Variants in XRN2 observed in about 807,000 individuals in gnomAD.
XRN2 encodes the protein 5'-3' exoribonuclease 2, also known as DHM1-like protein.
XRN2 carries 44 observed loss-of-function variants against 138.5 expected under a neutral mutation model. The observed-to-expected ratio is 0.32, with a 90% CI of 0.25 to 0.41. The LOEUF is 0.41. XRN2 is among the 10% of genes least tolerant of loss of function. The pLI, the probability that XRN2 is intolerant of heterozygous loss-of-function variation, is 1.00. For synonymous variants in XRN2, 354 were observed against 369.4 expected (o/e 0.96, Z 0.48); for missense variants, 937 against 1,169.3 (o/e 0.80, Z 2.90).
At chr20:21,314,024 T>C (rs2122169672) in intron 1 of XRN2, among the ~76,000 whole-genome samples, 1 of 152,320 alleles carries the variant, frequency 6.6e-6, no homozygotes. Flanking sequence ...CCACAGTCAA[T>C]TTTAGAACAT....
At chr20:21,345,299 C>A (rs1411836406) in intron 16 of XRN2, among the ~76,000 whole-genome samples, 4 of 152,126 alleles carry the variant, frequency 2.6e-5, no homozygotes, top group African/African-American at 9.7e-5. Context: ...ATTGTTTAAT[C>A]CTAGAGGAAA....
At chr20:21,309,929 A>G (rs941531556) in intron 1 of XRN2, among the ~76,000 whole-genome samples, 3 of 151,368 alleles carry the variant, frequency 2.0e-5, no homozygotes, top group African/African-American at 7.3e-5. Context: ...GATTTTCTTT[A>G]TTGTTTTTCT....
In XRN2 at chr20:21,335,160, G is replaced by A. The variant is rs1052348675; in HGVS notation, c.1233+975G>A. On this transcript the variant is annotated intron_variant, in intron 13 of 29. Transcript: ENST00000377191. ...AGTGAGATGGACAGGCACTTCGTCC[G>A]TGGACAGGGTTTGGGATCCACTGGT... 1.1e-4 allele frequency among the ~76,000 whole-genome samples: 16 copies of A among 152,176 alleles called. 1 individual carries two copies. Among genetic ancestry groups the A allele is most frequent in the Non-Finnish European group, 8.8e-5 (6 of 68,030 alleles).
At chr20:21,379,355 T>A (rs2038858606) in intron 27 of XRN2, among the ~76,000 whole-genome samples, 1 of 152,244 alleles carries the variant, frequency 6.6e-6, no homozygotes, top group African/African-American at 2.4e-5. Flanking sequence ...AGGAAATACT[T>A]CTGCTTTATG....
Position 21,386,959 on chromosome 20 carries a change from G to C in XRN2, c.2740G>C (p.Gly914Arg). ...GCCAAACCAGTACCAGATGCTAGCT[G>C]GGCCTGGTGGGTATCCACCCAGACG... ...FQPNQYQMLA[G>R]PGGYPPRRDD... Residue 914 changes from glycine (G) to arginine (R), a missense_variant, in exon 29 of 30, where the codon GGG becomes CGG. By Grantham distance (125) the Gly-to-Arg change is moderately radical. Around this residue, in one of 6 missense-constraint regions of XRN2, gnomAD observed 372 missense variants for 414.4 expected, o/e 0.90. Coordinates refer to ENST00000377191, the MANE Select transcript of XRN2 (RefSeq NM_012255.5). The C allele has an allele frequency of 6.2e-7, 1 of 1,613,880 alleles. No homozygotes were observed. Among genetic ancestry groups the C allele is most frequent in the Non-Finnish European group, 8.5e-7 (1 of 1,179,770 alleles).
At chr20:21,361,616 C>T (rs2038637889) in intron 24 of XRN2, among the ~76,000 whole-genome samples, 1 of 152,184 alleles carries the variant, frequency 6.6e-6, no homozygotes, top group African/African-American at 2.4e-5. Flanking sequence ...GTGTTACTTA[C>T]TACTTCCCTA....
chr20:21,316,666 C>T (rs544939407), intron 1 of XRN2, among the ~76,000 whole-genome samples: 18 of 152,234 alleles, frequency 1.2e-4, no homozygotes, highest in Admixed American at 6.5e-4. Flanking sequence ...GTCCCAGTAC[C>T]GCACTGTCTT....
chr20:21,366,738 A>G (rs768681155), intron 26 of XRN2, among the ~76,000 whole-genome samples: 15 of 152,318 alleles, frequency 9.8e-5, no homozygotes, highest in Non-Finnish European at 1.8e-4. Context: ...ATTTTGGACA[A>G]CACATTATTG....
At chr20:21,343,535 G>A (rs963006247) in intron 15 of XRN2, among the ~76,000 whole-genome samples, 1 of 151,396 alleles carries the variant, frequency 6.6e-6, no homozygotes. Flanking sequence ...TTTCAGAGTG[G>A]TTGTACTAGG....
At chr20:21,339,719 T>TAAA (rs2038346819) in intron 14 of XRN2, among the ~76,000 whole-genome samples, 1 of 152,224 alleles carries the variant, frequency 6.6e-6, no homozygotes, top group Non-Finnish European at 1.5e-5. Flanking sequence ...GTTATGCTCA[T>TAAA]AGTACAGGTT....
intron 27 of XRN2, among the ~76,000 whole-genome samples, chr20:21,376,355 T>C (rs1048390726): frequency 8.5e-5 from 13 of 152,294 alleles, no homozygotes; most frequent in African/African-American, 2.6e-4. Context: ...CCTGTCTCTT[T>C]AACATAAAAT....
chr20:21,347,143 A>C (rs956940996), intron 17 of XRN2, among the ~76,000 whole-genome samples: 1 of 152,358 alleles, frequency 6.6e-6, no homozygotes. Context: ...ACGAAAGGTT[A>C]GTGCTTTTTA....
At chr20:21,321,797 G>A (rs2038049936) in intron 1 of XRN2, among the ~76,000 whole-genome samples, 1 of 152,168 alleles carries the variant, frequency 6.6e-6, no homozygotes, top group African/African-American at 2.4e-5. Context: ...ATATTTACCA[G>A]TTTCACTGGG....
intron 1 of XRN2, among the ~76,000 whole-genome samples, chr20:21,309,336 A>G (rs1404906216): frequency 2.6e-5 from 4 of 152,212 alleles, no homozygotes; most frequent in African/African-American, 7.2e-5. Context: ...TAGTTGATCT[A>G]GAACTATTGA....
At chr20:21,312,190 G>A (rs2037890340) in intron 1 of XRN2, among the ~76,000 whole-genome samples, 1 of 151,810 alleles carries the variant, frequency 6.6e-6, no homozygotes, top group South Asian at 2.1e-4. Context: ...TCAGCTCACT[G>A]CAAGCTCTGC....
At chr20:21,385,346 C>T (rs1433313410) in intron 28 of XRN2, among the ~76,000 whole-genome samples, 1 of 152,150 alleles carries the variant, frequency 6.6e-6, no homozygotes, top group East Asian at 1.9e-4. Flanking sequence ...GCCCTTCACT[C>T]CTGCAGAGAC....
At chr20:21,389,244 A>G (rs1428882146) in intron 29 of XRN2, 29 bp from the exon 30 acceptor site, 25 of 1,601,538 alleles carry the variant, frequency 1.6e-5, no homozygotes, top group Non-Finnish European at 2.0e-5. Context: ...CGGTCCAGAA[A>G]ATAAACTCTT....
At chr20:21,304,405 G>A (rs2037786182) in intron 1 of XRN2, among the ~76,000 whole-genome samples, 1 of 142,496 alleles carries the variant, frequency 7.0e-6, no homozygotes. Context: ...CAAAAGCCTT[G>A]TCTTAGTGAC....
At chr20:21,379,812 A>G (rs556232156) in intron 27 of XRN2, among the ~76,000 whole-genome samples, 2 of 152,360 alleles carry the variant, frequency 1.3e-5, no homozygotes, top group South Asian at 4.1e-4. Context: ...ATCTAAGAAT[A>G]GCATGTTTGA....
Sources: allele counts gnomAD v4.1 joint callset (sites outside exome capture counted in the v4.1 genomes callset), GRCh38; gene constraint gnomAD v4.1.1; regional missense constraint gnomAD v4.1.1; transcripts MANE v1.5; gene names NCBI Gene and HGNC (gene_info 2026-07-23, HGNC 2026-07-21).